Variants in CLDN16 observed in about 807,000 individuals in gnomAD.
CLDN16 encodes claudin-16.
Under a neutral mutation model 24.6 loss-of-function variants are expected in CLDN16, and 13 were observed. The observed-to-expected ratio is 0.53, with a 90% CI of 0.34 to 0.84. The LOEUF is 0.84. CLDN16 is among the 40% of genes least tolerant of loss of function. The probability of loss-of-function intolerance (pLI) is 0.01; values close to 1 mark genes in which losing one functional copy is unlikely to be tolerated. For synonymous variants in CLDN16, 116 were observed against 106.7 expected (o/e 1.09, Z -0.54); for missense variants, 298 against 292.7 (o/e 1.02, Z -0.13).
chr3:190,408,360 T>C lies in CLDN16; in HGVS notation c.429T>C (p.Tyr143=). 1.2e-6 allele frequency: 2 copies of C among 1,614,204 alleles called. No individual in the cohort carries two copies. Among genetic ancestry groups the C allele is most frequent in the Non-Finnish European group, 1.7e-6 (2 of 1,180,036 alleles). The change falls in exon 4 of 5, where the codon TAT becomes TAC. Residue 143 remains tyrosine, a synonymous_variant. Coordinates refer to ENST00000264734, the MANE Select transcript of CLDN16 (RefSeq NM_006580.4). ...CTGTGTGGTATGCTGTTGATGTGTA[T>C]GTGGAACGTTCTACTTTGGTTTTGC... ...IGSVWYAVDV[Y]VERSTLVLHN... is the part of the protein sequence containing the mutation.
At chr3:190,379,048 A>C (rs1289908753) in intron 3 of CLDN16, among the ~76,000 whole-genome samples, 1 of 152,120 alleles carries the variant, frequency 6.6e-6, no homozygotes, top group African/African-American at 2.4e-5. Flanking sequence ...AGACCTTTGA[A>C]AATTTGAGGC....
chr3:190,317,195 T>G, the CLDN16 span, among the ~76,000 whole-genome samples: 1 of 152,184 alleles, frequency 6.6e-6, no homozygotes, highest in Non-Finnish European at 1.5e-5. Flanking sequence ...TCTCACCTCT[T>G]AAATTTGCAG....
At chr3:190,369,667 T>A (rs1487861601) in intron 1 of CLDN16, among the ~76,000 whole-genome samples, 1 of 151,940 alleles carries the variant, frequency 6.6e-6, no homozygotes, top group Non-Finnish European at 1.5e-5. Flanking sequence ...ATGAACATCG[T>A]TCTATGTCAA....
intron 1 of CLDN16, among the ~76,000 whole-genome samples, chr3:190,356,370 G>A (rs1183684475): frequency 6.6e-6 from 1 of 151,632 alleles, no homozygotes; most frequent in Non-Finnish European, 1.5e-5. Context: ...GATGATTCTT[G>A]CTTGTAACAA....
chr3:190,377,245 C>T (rs1432713894), intron 3 of CLDN16, among the ~76,000 whole-genome samples: 1 of 151,924 alleles, frequency 6.6e-6, no homozygotes, highest in African/African-American at 2.4e-5. Context: ...GTTTTTTCTG[C>T]TATTGATGAG....
upstream of CLDN16, among the ~76,000 whole-genome samples, chr3:190,321,416 T>A (rs1716918221): frequency 6.6e-6 from 1 of 152,184 alleles, no homozygotes; most frequent in Non-Finnish European, 1.5e-5. Flanking sequence ...TAACTGGATC[T>A]TATAAATTAA....
At chr3:190,293,934 T>A in the CLDN16 span, among the ~76,000 whole-genome samples, 3 of 152,192 alleles carry the variant, frequency 2.0e-5, no homozygotes, top group Admixed American at 6.5e-5. Context: ...CTATTAGACA[T>A]TTTAGTGGAA....
At chr3:190,392,136 G>A (rs1434306156) in intron 1 of CLDN16, among the ~76,000 whole-genome samples, 2 of 147,304 alleles carry the variant, frequency 1.4e-5, no homozygotes, top group Non-Finnish European at 1.5e-5. Context: ...CTAATGGACT[G>A]GTGGTGTCTG....
chr3:190,334,123 C>A (rs987485810), intron 1 of CLDN16, among the ~76,000 whole-genome samples: 1 of 152,074 alleles, frequency 6.6e-6, no homozygotes, highest in African/African-American at 2.4e-5. Context: ...AAAAACAAAG[C>A]CATTCCTGTG....
chr3:190,404,782 G>C lies in CLDN16; in HGVS notation c.238G>C (p.Ala80Pro). The change falls in exon 3 of 5, where the codon GCG becomes CCG. Residue 80 changes from alanine to proline, a missense_variant. By Grantham distance (27) the Ala-to-Pro change is conservative. Coordinates refer to ENST00000264734, the MANE Select transcript of CLDN16 (RefSeq NM_006580.4). ...TCCAGTGAAGCTGGTGGTAACTCGA[G>C]CGTTGATGATTACTGCAGATATTCT... is the stretch of plus-strand genomic sequence containing the variant. The part of the protein sequence containing the change: ...EHPLKLVVTR[A>P]LMITADILAG... 6.2e-7 allele frequency: 1 copy of C among 1,614,092 alleles called. No individual in the cohort carries two copies. The highest frequency in any genetic ancestry group is 8.5e-7 in the Non-Finnish European group (1 of 1,180,012).
At chr3:190,330,122 T>G (rs1560079739) in intron 1 of CLDN16, among the ~76,000 whole-genome samples, 1 of 152,116 alleles carries the variant, frequency 6.6e-6, no homozygotes, top group Non-Finnish European at 1.5e-5. Context: ...TAGAAATGTT[T>G]CCAAAATTGA....
the CLDN16 span, among the ~76,000 whole-genome samples, chr3:190,295,297 G>T: frequency 1.3e-5 from 2 of 152,006 alleles, no homozygotes; most frequent in African/African-American, 4.8e-5. Context: ...AATAAACTCA[G>T]AGAAAAAAAG....
upstream of CLDN16, chr3:190,388,060 G>A (rs548797774): frequency 1.6e-5 from 25 of 1,521,714 alleles, no homozygotes; most frequent in South Asian, 1.9e-4. Context: ...TCCCCCACCC[G>A]AAACACACTC....
At chr3:190,379,372 G>A (rs1718311669) in intron 3 of CLDN16, among the ~76,000 whole-genome samples, 1 of 152,012 alleles carries the variant, frequency 6.6e-6, no homozygotes, top group Non-Finnish European at 1.5e-5. Context: ...TAGAAAGATA[G>A]CAAAAATCTA....
At chr3:190,297,610 A>C in the CLDN16 span, among the ~76,000 whole-genome samples, 2 of 133,924 alleles carry the variant, frequency 1.5e-5, no homozygotes, top group African/African-American at 5.7e-5. Flanking sequence ...ATATATCTAT[A>C]ATATCTATAA....
intron 1 of CLDN16, among the ~76,000 whole-genome samples, chr3:190,367,801 C>T (rs562399197): frequency 7.9e-4 from 120 of 151,872 alleles, no homozygotes; most frequent in Non-Finnish European, 1.5e-3. Context: ...AAGGTGGAGT[C>T]AGAAACAATT....
At chr3:190,313,160 C>T in the CLDN16 span, 1 of 1,055,108 alleles carries the variant, frequency 9.5e-7, no homozygotes, top group Non-Finnish European at 1.4e-6. Flanking sequence ...ATCTAGAGAC[C>T]CCAGTCATAC....
At chr3:190,380,501 A>C (rs1718347397) in intron 3 of CLDN16, among the ~76,000 whole-genome samples, 1 of 152,098 alleles carries the variant, frequency 6.6e-6, no homozygotes, top group African/African-American at 2.4e-5. Flanking sequence ...AGGCAGAAGA[A>C]ATTGCATAAA....
chr3:190,294,234 G>T, the CLDN16 span, among the ~76,000 whole-genome samples: 3 of 152,092 alleles, frequency 2.0e-5, no homozygotes, highest in Non-Finnish European at 4.4e-5. Context: ...ACACATCTAA[G>T]TTCTGACCTC....
Sources: gnomAD v4.1 joint callset for allele counts (sites outside exome capture counted in the v4.1 genomes callset) on GRCh38, gnomAD v4.1.1 for gene constraint, MANE v1.5 for transcripts, NCBI Gene and HGNC (gene_info 2026-07-23, HGNC 2026-07-21) for gene names.